C2CD3: variants seen among roughly 807,000 people sequenced by gnomAD.
C2CD3 encodes the protein C2 domain containing 3 centriole elongation regulator.
A neutral mutation model predicts 234.0 loss-of-function variants in C2CD3; 148 were observed. That is an observed-to-expected ratio of 0.63 (90% CI 0.55 to 0.72). The LOEUF (loss-of-function observed/expected upper bound fraction) is 0.72, where lower values mean the gene tolerates loss of function less well. Among genes scored for constraint, C2CD3 ranks in the 30% least tolerant of loss-of-function variants. The probability of loss-of-function intolerance (pLI) is 0.00; values close to 1 mark genes in which losing one functional copy is unlikely to be tolerated. For synonymous variants in C2CD3, 1,000 were observed against 1,035.4 expected (o/e 0.97, Z 0.66); for missense variants, 2,577 against 2,811.5 (o/e 0.92, Z 1.89).
intron 17 of C2CD3, among the ~76,000 whole-genome samples, chr11:74,094,518 C>T (rs1053873906): frequency 1.3e-5 from 2 of 152,138 alleles, no homozygotes; most frequent in Non-Finnish European, 2.9e-5. Context: ...GTTCGAGTCA[C>T]CTGGTCTGTT....
At chr11:74,078,925 G>T (rs1164087302) in intron 22 of C2CD3, among the ~76,000 whole-genome samples, 1 of 152,168 alleles carries the variant, frequency 6.6e-6, no homozygotes, top group African/African-American at 2.4e-5. Context: ...TGGAAGATCT[G>T]AGTTCTCTTT....
intron 3 of C2CD3, among the ~76,000 whole-genome samples, chr11:74,149,200 C>T (rs1855430041): frequency 6.6e-6 from 1 of 152,142 alleles, no homozygotes; most frequent in South Asian, 2.1e-4. Flanking sequence ...TCCATCCTCC[C>T]AATGTGCCAA....
In C2CD3 at chr11:74,096,702, AT is replaced by A. The variant is rs367760280; in HGVS notation, c.2980-1295del. On this transcript the variant is annotated intron_variant, in intron 16 of 32. Coordinates refer to ENST00000334126, the MANE Select transcript of C2CD3 (RefSeq NM_001286577.2). ...AACATTTTCTAACCTTTACTATGGA[AT>A]TTAACAAAATCTGAGTCTACACTGC... Among the ~76,000 whole-genome samples, 324 of 152,246 alleles carry A rather than the reference AT, an allele frequency of 2.1e-3. 2 individuals carry two copies. Among genetic ancestry groups the A allele is most frequent in the African/African-American group, 7.4e-3 (309 of 41,542 alleles).
At chr11:74,112,814 T>A (rs1324338779) in intron 11 of C2CD3, among the ~76,000 whole-genome samples, 1 of 152,222 alleles carries the variant, frequency 6.6e-6, no homozygotes, top group Non-Finnish European at 1.5e-5. Context: ...TTGACGAGGA[T>A]GTAGACAAAT....
At chr11:74,142,960 T>A (rs1713552432) in intron 3 of C2CD3, among the ~76,000 whole-genome samples, 1 of 152,204 alleles carries the variant, frequency 6.6e-6, no homozygotes, top group Non-Finnish European at 1.5e-5. Flanking sequence ...TGAAACATTT[T>A]TTTCTTTAAA....
At chr11:74,021,246 A>AAAAC (rs530716721) in intron 32 of C2CD3, among the ~76,000 whole-genome samples, 4,604 of 152,078 alleles carry the variant, frequency 0.03, 245 homozygotes, top group African/African-American at 0.1. Flanking sequence ...CCTGTCTCAA[A>AAAAC]AAACAAACAA....
intron 2 of C2CD3, chr11:74,164,781 G>A (rs1041111366): frequency 6.6e-6 from 1 of 152,174 alleles, no homozygotes; most frequent in Non-Finnish European, 1.5e-5. Flanking sequence ...AAATAGATAT[G>A]AAGAAAGTGG....
At chr11:74,148,866 A>C (rs1855400616) in intron 3 of C2CD3, among the ~76,000 whole-genome samples, 1 of 152,206 alleles carries the variant, frequency 6.6e-6, no homozygotes, top group Non-Finnish European at 1.5e-5. Context: ...ACAGCAAAGC[A>C]GTGGTATAAC....
At chr11:74,122,164 C>T (rs1486740251) in intron 8 of C2CD3, among the ~76,000 whole-genome samples, 3 of 152,202 alleles carry the variant, frequency 2.0e-5, no homozygotes, top group Non-Finnish European at 4.4e-5. Context: ...CCTTGTAGCG[C>T]AAAAATGTGT....
At chr11:74,117,361 A>AATATAGATATATATAT (rs1957056946) in intron 9 of C2CD3, among the ~76,000 whole-genome samples, 1 of 94,832 alleles carries the variant, frequency 1.1e-5, no homozygotes, top group Admixed American at 1.4e-4. Context: ...TTTGGCCTCA[A>AATATAGATATATATAT]ATATATATAT....
intron 32 of C2CD3, 80 bp downstream of exon 32, chr11:74,028,207 G>T: frequency 9.9e-7 from 1 of 1,007,078 alleles, no homozygotes; most frequent in Non-Finnish European, 1.5e-6. Flanking sequence ...GATGACCTGG[G>T]GCAGCTCTGC....
chr11:74,156,523 A>T (rs1004760587), intron 3 of C2CD3, among the ~76,000 whole-genome samples: 2 of 151,282 alleles, frequency 1.3e-5, no homozygotes, highest in African/African-American at 2.4e-5. Flanking sequence ...TTGATTTTTT[A>T]AAAAAACTAG....
At chr11:74,020,363 G>T (rs183845397) in intron 32 of C2CD3, among the ~76,000 whole-genome samples, 9 of 152,298 alleles carry the variant, frequency 5.9e-5, no homozygotes, top group Admixed American at 4.6e-4. Flanking sequence ...TGATTCTAAG[G>T]TTTCTTCTTT....
At chr11:74,158,759 C>T (rs926099993) in intron 3 of C2CD3, among the ~76,000 whole-genome samples, 2 of 151,664 alleles carry the variant, frequency 1.3e-5, no homozygotes, top group South Asian at 4.1e-4. Context: ...AAATGCTCAA[C>T]ATCACTATGA....
chr11:74,035,859 C>A (rs114514763), intron 30 of C2CD3, among the ~76,000 whole-genome samples: 1 of 148,716 alleles, frequency 6.7e-6, no homozygotes, highest in Non-Finnish European at 1.5e-5. Context: ...AGCTTCAATT[C>A]TTTTTTTTTT....
chr11:74,031,398 T>C (rs1282643049), intron 31 of C2CD3, among the ~76,000 whole-genome samples: 1 of 152,176 alleles, frequency 6.6e-6, no homozygotes. Context: ...GCAGCCTCCT[T>C]CACCCAGCGA....
intron 11 of C2CD3, among the ~76,000 whole-genome samples, chr11:74,111,895 C>T (rs1956759906): frequency 6.8e-6 from 1 of 146,246 alleles, no homozygotes; most frequent in African/African-American, 2.5e-5. Context: ...GATTGGACAC[C>T]CCTGGAGTAA....
chr11:74,038,597 G>A (rs533055148), intron 29 of C2CD3, among the ~76,000 whole-genome samples: 3 of 152,220 alleles, frequency 2.0e-5, no homozygotes, highest in South Asian at 4.1e-4. Flanking sequence ...AGCTGGGTTC[G>A]TTCCTTCCTC....
At chr11:74,068,563 T>A (rs1382973118) in intron 24 of C2CD3, among the ~76,000 whole-genome samples, 2 of 152,118 alleles carry the variant, frequency 1.3e-5, no homozygotes, top group African/African-American at 4.8e-5. Context: ...CTGAGGAAGA[T>A]CAGCAGAGAG....
Sources: gnomAD v4.1 joint callset for allele counts (sites outside exome capture counted in the v4.1 genomes callset) on GRCh38, gnomAD v4.1.1 for gene constraint, MANE v1.5 for transcripts, NCBI Gene and HGNC (gene_info 2026-07-23, HGNC 2026-07-21) for gene names.